Variants in RABGAP1 observed in about 807,000 individuals in gnomAD.
RABGAP1 encodes RAB GTPase activating protein 1, also known as rab GTPase-activating protein 1.
RABGAP1 carries 23 observed loss-of-function variants against 137.6 expected under a neutral mutation model. That is an observed-to-expected ratio of 0.17 (90% CI 0.12 to 0.24). The LOEUF (loss-of-function observed/expected upper bound fraction) is 0.24. RABGAP1 is among the 10% of genes least tolerant of loss of function. The pLI, the probability that RABGAP1 is intolerant of heterozygous loss-of-function variation, is 1.00. For synonymous variants in RABGAP1, 451 were observed against 450.7 expected, an observed-to-expected ratio of 1.00 and a Z score of -0.01; for missense variants, 906 against 1,275.8, an observed-to-expected ratio of 0.71 and a Z score of 4.42.
At chr9:123,084,938 C>T (rs1433397967) in intron 19 of RABGAP1, among the ~76,000 whole-genome samples, 1 of 152,158 alleles carries the variant, frequency 6.6e-6, no homozygotes, top group Non-Finnish European at 1.5e-5. Context: ...CTGCACAGCC[C>T]GAGCTCTTAG....
intron 2 of RABGAP1, among the ~76,000 whole-genome samples, chr9:122,974,936 G>T (rs1173038097): frequency 6.6e-6 from 1 of 152,210 alleles, no homozygotes; most frequent in African/African-American, 2.4e-5. Flanking sequence ...AAGCAGGTTT[G>T]AGATTAGTAA....
intron 10 of RABGAP1, among the ~76,000 whole-genome samples, chr9:123,000,833 C>T (rs1015354665): frequency 7.3e-5 from 11 of 151,248 alleles, no homozygotes; most frequent in Admixed American, 3.3e-4. Context: ...GCCTCTTTAC[C>T]CATCATACTG....
At chr9:123,087,251 AAAATGTT>A (rs2034895527) in intron 19 of RABGAP1, among the ~76,000 whole-genome samples, 3 of 152,232 alleles carry the variant, frequency 2.0e-5, no homozygotes, top group South Asian at 4.1e-4. Flanking sequence ...TCTATGGGGA[AAAATGTT>A]AATTCTTCCT....
At chr9:123,075,752 T>G (rs867737321) in intron 17 of RABGAP1, among the ~76,000 whole-genome samples, 12 of 152,220 alleles carry the variant, frequency 7.9e-5, no homozygotes, top group Admixed American at 3.3e-4. Context: ...GCCCAGCAGC[T>G]TAAGCAGTTT....
intron 19 of RABGAP1, among the ~76,000 whole-genome samples, chr9:123,083,247 A>T (rs1294813333): frequency 6.6e-6 from 1 of 152,230 alleles, no homozygotes; most frequent in African/African-American, 2.4e-5. Flanking sequence ...TTTGTGTGTT[A>T]TCCCTTTTTA....
intron 11 of RABGAP1, among the ~76,000 whole-genome samples, 177 bp from the exon 12 acceptor site, chr9:123,015,366 G>A (rs2031147961): frequency 4.2e-5 from 6 of 144,406 alleles, no homozygotes; most frequent in Admixed American, 3.6e-4. Flanking sequence ...AGAGGTTACA[G>A]CATTTTACCT....
intron 1 of RABGAP1, among the ~76,000 whole-genome samples, chr9:122,953,710 T>G (rs1834371294): frequency 6.6e-6 from 1 of 152,238 alleles, no homozygotes; most frequent in African/African-American, 2.4e-5. Context: ...GAACCAGTAT[T>G]TTAACTTAGG....
At chr9:123,010,046 G>A (rs139129973) in intron 10 of RABGAP1, among the ~76,000 whole-genome samples, 352 of 152,216 alleles carry the variant, frequency 2.3e-3, no homozygotes, top group African/African-American at 8.2e-3. Flanking sequence ...TTAAACATTG[G>A]TAGTTGGATA....
intron 13 of RABGAP1, among the ~76,000 whole-genome samples, chr9:123,059,382 G>A (rs555105743): frequency 1.3e-5 from 2 of 151,914 alleles, no homozygotes; most frequent in South Asian, 2.1e-4. Context: ...GTGAAACCCC[G>A]TCTCTACTAA....
chr9:123,044,348 A>G (rs781037884), intron 13 of RABGAP1, among the ~76,000 whole-genome samples: 1 of 152,194 alleles, frequency 6.6e-6, no homozygotes, highest in Non-Finnish European at 1.5e-5. Flanking sequence ...TATTTTACCT[A>G]TGGTTCTTTA....
intron 23 of RABGAP1, 128 bp from the exon 24 acceptor site, chr9:123,099,350 C>G: frequency 1.2e-6 from 1 of 837,012 alleles, no homozygotes; most frequent in Non-Finnish European, 1.9e-6. Flanking sequence ...TTCATATCCC[C>G]TCCTGAGCGG....
intron 13 of RABGAP1, chr9:123,029,798 A>G (rs2032198626): frequency 1.2e-5 from 6 of 485,630 alleles, no homozygotes; most frequent in South Asian, 1.1e-4. Context: ...CCTTGCTAAG[A>G]TGTCAGACAA....
intron 17 of RABGAP1, among the ~76,000 whole-genome samples, chr9:123,075,480 C>T (rs991210566): frequency 2.6e-5 from 4 of 152,112 alleles, no homozygotes; most frequent in African/African-American, 9.7e-5. Context: ...TTGAAATATT[C>T]TAAGAAACAG....
intron 19 of RABGAP1, among the ~76,000 whole-genome samples, chr9:123,079,530 C>A (rs375899445): frequency 6.6e-6 from 1 of 152,022 alleles, no homozygotes; most frequent in African/African-American, 2.4e-5. Context: ...TGAGCCACCA[C>A]ACCCGGCCCG....
chr9:122,950,377 CTT>C (rs200424486), intron 1 of RABGAP1, among the ~76,000 whole-genome samples: 6 of 74,492 alleles, frequency 8.1e-5, no homozygotes, highest in Admixed American at 3.7e-4. Context: ...CTTTTTCTTT[CTT>C]TTTTTTTTTT....
At position 123,090,287 on chromosome 9, in the gene RABGAP1, C is replaced by T. The variant is rs1032910754; in HGVS notation, c.2530C>T (p.Arg844Cys). ...TTCTACCCTTCAGCGGGAGAATAGG[C>T]GTCTACAAGAAGCTAACATGAGGTT... ...PIERFERENR[R>C]LQEANMRLEQ... The change falls in exon 21 of 26, where the codon CGT becomes TGT. Residue 844 changes from arginine to cysteine, a missense_variant. Physicochemically the swap from Arg to Cys is radical, Grantham distance 180. Coordinates refer to ENST00000373647, the MANE Select transcript of RABGAP1 (RefSeq NM_012197.4). 5.0e-6 allele frequency: 8 copies of T among 1,611,602 alleles called. No homozygotes were observed. The highest frequency in any genetic ancestry group is 2.2e-5 in the South Asian group (2 of 90,230).
At chr9:123,084,365 A>G (rs1295302645) in intron 19 of RABGAP1, among the ~76,000 whole-genome samples, 1 of 152,136 alleles carries the variant, frequency 6.6e-6, no homozygotes, top group African/African-American at 2.4e-5. Flanking sequence ...AGCAATGAAG[A>G]CTTTGGAGTC....
In RABGAP1 at chr9:122,978,650, C is replaced by T. The variant is rs1835888988; in HGVS notation, c.151-5835C>T. Among the ~76,000 whole-genome samples, 3 of 152,214 alleles carry T rather than the reference C, an allele frequency of 2.0e-5. No individual in the cohort carries two copies. In the South Asian group the frequency reaches 6.2e-4, roughly 32 times the overall value. ...ACCCTGTCTCTCAAAAAATAATTTG[C>T]AAACAGATTTTTGTGTAGACATATG... On this transcript the variant is annotated intron_variant, in intron 2 of 25. Transcript: ENST00000373647.
chr9:123,006,475 C>T (rs1228907649), intron 10 of RABGAP1, among the ~76,000 whole-genome samples: 1 of 152,140 alleles, frequency 6.6e-6, no homozygotes, highest in Non-Finnish European at 1.5e-5. Flanking sequence ...CTTTTCTACC[C>T]AGTGATTTGA....
Sources: gnomAD v4.1 joint callset for allele counts (sites outside exome capture counted in the v4.1 genomes callset) on GRCh38, gnomAD v4.1.1 for gene constraint, MANE v1.5 for transcripts, NCBI Gene and HGNC (gene_info 2026-07-23, HGNC 2026-07-21) for gene names.